CDH4: variants seen among roughly 807,000 people sequenced by gnomAD.
CDH4 encodes the protein cadherin-4.
In CDH4, 33 loss-of-function variants were observed where a neutral mutation model predicts 86.0. The observed-to-expected ratio is 0.38, with a 90% CI of 0.29 to 0.51. The LOEUF (loss-of-function observed/expected upper bound fraction) is 0.51, where lower values mean the gene tolerates loss of function less well. CDH4 is among the 20% of genes least tolerant of loss of function. The probability of loss-of-function intolerance (pLI) is 0.86; values close to 1 mark genes in which losing one functional copy is unlikely to be tolerated. For missense variants in CDH4, 1,114 were observed against 1,307.4 expected, an observed-to-expected ratio of 0.85 and a Z score of 2.28; for synonymous variants, 555 against 549.4, an observed-to-expected ratio of 1.01 and a Z score of -0.14.
At chr20:61,420,137 C>T (rs1191983015) in intron 2 of CDH4, among the ~76,000 whole-genome samples, 1 of 152,240 alleles carries the variant, frequency 6.6e-6, no homozygotes, top group Admixed American at 6.5e-5. Context: ...AATCTGGGCT[C>T]TTACAAGTGG....
rs1406249213 is a variant in CDH4 at position 61,852,780 on chromosome 20, T to C, written c.759T>C (p.Asn253=). 5 of 1,613,572 alleles carry C rather than the reference T, an allele frequency of 3.1e-6. No homozygotes were observed. In the Admixed American group the frequency reaches 6.7e-5, roughly 22 times the overall value. Reference sequence around the variant, plus strand: ...TCCGAGCCCACGCTGTGGACATGAATGGCAACAAGGTGGAGAACCCCATCG... The same window carrying C: ...TCCGAGCCCACGCTGTGGACATGAACGGCAACAAGGTGGAGAACCCCATCG... ...YHLRAHAVDM[N]GNKVENPIDL... The change falls in exon 6 of 16, where the codon AAT becomes AAC. Residue 253 remains asparagine, a synonymous_variant. Coordinates refer to ENST00000614565, the MANE Select transcript of CDH4 (RefSeq NM_001794.5).
intron 3 of CDH4, among the ~76,000 whole-genome samples, chr20:61,747,300 T>A (rs2088426495): frequency 6.6e-6 from 1 of 151,932 alleles, no homozygotes; most frequent in South Asian, 2.1e-4. Context: ...AAAATAAAAT[T>A]AGCCGGGCGT....
intron 3 of CDH4, among the ~76,000 whole-genome samples, chr20:61,758,391 C>T (rs903031970): frequency 6.6e-6 from 1 of 152,170 alleles, no homozygotes; most frequent in African/African-American, 2.4e-5. Context: ...GGGCCCTGCC[C>T]GTATTGTGGT....
chr20:61,542,450 GTGAGGTTATTT>G (rs1365899337), intron 2 of CDH4, among the ~76,000 whole-genome samples: 3 of 152,198 alleles, frequency 2.0e-5, no homozygotes, highest in Non-Finnish European at 4.4e-5. Flanking sequence ...GATCTGAGGA[GTGAGGTTATTT>G]CATCGCTTTA....
intron 4 of CDH4, among the ~76,000 whole-genome samples, chr20:61,839,282 G>A (rs1165983552): frequency 1.3e-5 from 2 of 152,100 alleles, no homozygotes; most frequent in Non-Finnish European, 2.9e-5. Context: ...CGCCGGGTGT[G>A]CATGGGGGAG....
intron 2 of CDH4, among the ~76,000 whole-genome samples, chr20:61,482,867 G>A (rs576423911): frequency 1.5e-4 from 23 of 152,320 alleles, no homozygotes; most frequent in African/African-American, 4.8e-4. Flanking sequence ...GAGTGAATCC[G>A]CACGTCCGCC....
At chr20:61,484,393 C>T (rs1044074337) in intron 2 of CDH4, among the ~76,000 whole-genome samples, 3 of 152,194 alleles carry the variant, frequency 2.0e-5, no homozygotes, top group African/African-American at 7.2e-5. Context: ...ATTTTTACTC[C>T]TCCAGACTCT....
intron 2 of CDH4, among the ~76,000 whole-genome samples, chr20:61,634,789 C>A (rs1313625731): frequency 6.6e-6 from 1 of 152,214 alleles, no homozygotes; most frequent in Admixed American, 6.5e-5. Context: ...AAAATTCTGT[C>A]CCCATTAAAC....
At chr20:61,431,046 G>A (rs1421412882) in intron 2 of CDH4, among the ~76,000 whole-genome samples, 3 of 152,218 alleles carry the variant, frequency 2.0e-5, no homozygotes, top group African/African-American at 4.8e-5. Flanking sequence ...CTGTGTTGCT[G>A]TGTGTTTCTT....
chr20:61,779,346 G>A (rs1362118580), intron 4 of CDH4, among the ~76,000 whole-genome samples: 1 of 152,174 alleles, frequency 6.6e-6, no homozygotes, highest in African/African-American at 2.4e-5. Flanking sequence ...GGGCCCCCCT[G>A]CCAGAGGACA....
At chr20:61,603,031 T>C (rs1195008117) in intron 2 of CDH4, among the ~76,000 whole-genome samples, 1 of 152,242 alleles carries the variant, frequency 6.6e-6, no homozygotes, top group Non-Finnish European at 1.5e-5. Context: ...TTGCACCTTA[T>C]ACCGTGCAAG....
chr20:61,706,987 A>C (rs1449522173), intron 2 of CDH4, among the ~76,000 whole-genome samples: 1 of 152,206 alleles, frequency 6.6e-6, no homozygotes, highest in Non-Finnish European at 1.5e-5. Flanking sequence ...CTGGGCTTTC[A>C]GGTGGGTCTG....
chr20:61,316,715 G>C (rs954711567), intron 2 of CDH4, among the ~76,000 whole-genome samples: 6 of 152,242 alleles, frequency 3.9e-5, no homozygotes, highest in Non-Finnish European at 5.9e-5. Context: ...GAAAAAGGAT[G>C]AAAGTGAAGT....
At chr20:61,272,946 G>A (rs1256645981) in intron 2 of CDH4, among the ~76,000 whole-genome samples, 4 of 119,004 alleles carry the variant, frequency 3.4e-5, no homozygotes, top group African/African-American at 6.8e-5. Context: ...TGTGCAGTTT[G>A]GGGGAGTATT....
intron 4 of CDH4, among the ~76,000 whole-genome samples, chr20:61,808,732 T>G (rs1980271759): frequency 6.6e-6 from 1 of 152,262 alleles, no homozygotes; most frequent in African/African-American, 2.4e-5. Flanking sequence ...CCCGCGTTCC[T>G]GCATATTGTC....
chr20:61,709,344 G>T lies in CDH4; in HGVS notation c.170-34219G>T, dbSNP rs1413247974. Reference sequence around the variant, plus strand: ...GGCTGTAGTGCAGTGGGGTGATCTTGGCTCACTGCAACCTCCGCCTCCTGG... The same window carrying T: ...GGCTGTAGTGCAGTGGGGTGATCTTTGCTCACTGCAACCTCCGCCTCCTGG... On this transcript the variant is annotated intron_variant, in intron 2 of 15. Coordinates refer to ENST00000614565, the MANE Select transcript of CDH4 (RefSeq NM_001794.5). The surrounding 1 kb of genome is among the most constrained non-coding windows in gnomAD (Gnocchi z 4.8). Among the ~76,000 whole-genome samples, 3 of 152,148 alleles carry T rather than the reference G, an allele frequency of 2.0e-5. No homozygotes were observed. The highest frequency in any genetic ancestry group is 2.9e-5 in the Non-Finnish European group (2 of 68,026).
chr20:61,450,627 G>C (rs986761747), intron 2 of CDH4, among the ~76,000 whole-genome samples: 6 of 151,940 alleles, frequency 3.9e-5, no homozygotes, highest in African/African-American at 1.4e-4. Flanking sequence ...CCTATTAAAA[G>C]CTCAGTTCCC....
At position 61,623,337 on chromosome 20, in the gene CDH4, T is replaced by C. The variant is rs914241760; in HGVS notation, c.170-120226T>C. Among the ~76,000 whole-genome samples, 1 of 152,134 alleles carries C rather than the reference T, an allele frequency of 6.6e-6. No individual in the cohort carries two copies. The highest frequency in any genetic ancestry group is 2.4e-5 in the African/African-American group (1 of 41,414). Reference sequence around the variant, plus strand: ...CCGTGGCTGCCTTCCTAGGGGAGCATGGTGACAGCTTCCTGTCTGTTACCT... The same window carrying C: ...CCGTGGCTGCCTTCCTAGGGGAGCACGGTGACAGCTTCCTGTCTGTTACCT... On this transcript the variant is annotated intron_variant, in intron 2 of 15. Transcript: ENST00000614565. This position sits in a 1 kb window ranked among gnomAD's most constrained non-coding sequence, Gnocchi z 4.4.
intron 2 of CDH4, chr20:61,499,640 G>A (rs2085686472): frequency 1.5e-6 from 1 of 678,364 alleles, no homozygotes; most frequent in Non-Finnish European, 2.1e-6. Context: ...GCAGACACAG[G>A]ACAGATCCCA....
Sources: gnomAD v4.1 joint callset for allele counts (sites outside exome capture counted in the v4.1 genomes callset) on GRCh38, gnomAD v4.1.1 for gene constraint, Gnocchi (gnomAD v3.1) non-coding constraint, MANE v1.5 for transcripts, NCBI Gene and HGNC (gene_info 2026-07-23, HGNC 2026-07-21) for gene names.